JAKMIP1: variants seen among roughly 807,000 people sequenced by gnomAD.
JAKMIP1 encodes the protein janus kinase and microtubule interacting protein 1.
Under a neutral mutation model 113.0 loss-of-function variants are expected in JAKMIP1, and 33 were observed. That is an observed-to-expected ratio of 0.29 (90% CI 0.22 to 0.39). The LOEUF (loss-of-function observed/expected upper bound fraction) is 0.39. Among genes scored for constraint, JAKMIP1 ranks in the 10% least tolerant of loss-of-function variants. JAKMIP1 has a pLI of 1.00. For missense variants in JAKMIP1, 813 were observed against 1,080.5 expected, an observed-to-expected ratio of 0.75 and a Z score of 3.47; for synonymous variants, 480 against 459.9, an observed-to-expected ratio of 1.04 and a Z score of -0.56.
Position 6,156,242 on chromosome 4 carries a change from A to T in JAKMIP1, c.-147-43245T>A, listed in dbSNP as rs892458673. ...GCCCTCGGAAGTGGCCCGCCAACACAGGAACAAGCGAATGCCACTGTATCA... is the reference window on the plus strand; with the variant it reads ...GCCCTCGGAAGTGGCCCGCCAACACTGGAACAAGCGAATGCCACTGTATCA... On this transcript the variant is annotated intron_variant, in intron 1 of 20. Coordinates refer to ENST00000409021, the MANE Select transcript of JAKMIP1 (RefSeq NM_001099433.2). This position sits in a 1 kb window ranked among gnomAD's most constrained non-coding sequence, Gnocchi z 5.0. Among the ~76,000 whole-genome samples, 1 of 152,248 alleles carries T rather than the reference A, an allele frequency of 6.6e-6. No individual in the cohort carries two copies. The highest frequency in any genetic ancestry group is 6.5e-5 in the Admixed American group (1 of 15,286).
chr4:6,063,177 A>T (rs1422838984), intron 9 of JAKMIP1, among the ~76,000 whole-genome samples: 1 of 152,028 alleles, frequency 6.6e-6, no homozygotes, highest in Non-Finnish European at 1.5e-5. Context: ...GTGTGTAAAG[A>T]CACAAATACG....
chr4:6,026,332 A>C, intron 20 of JAKMIP1, 54 bp from the exon 21 acceptor site: 2 of 915,800 alleles, frequency 2.2e-6, no homozygotes, highest in Non-Finnish European at 3.4e-6. Flanking sequence ...AGAAAAGAAA[A>C]CAGATGTAAG....
chr4:6,071,017 A>C lies in JAKMIP1; in HGVS notation c.1303-6009T>G, dbSNP rs77258318. ...AAAAGTAAAACGTCTGAACTTTGAC[A>C]GATACCAAAGCAATATTAAAGGGCA... is the stretch of plus-strand genomic sequence containing the variant. On this transcript the variant is annotated intron_variant, in intron 8 of 20. Coordinates refer to ENST00000409021, the MANE Select transcript of JAKMIP1 (RefSeq NM_001099433.2). Among the ~76,000 whole-genome samples, 586 of 152,370 alleles carry C rather than the reference A, an allele frequency of 3.8e-3. 4 individuals carry two copies. Among genetic ancestry groups the C allele is most frequent in the African/African-American group, 0.013 (556 of 41,594 alleles).
Position 6,154,224 on chromosome 4 carries a change from AATCACTGG to A in JAKMIP1, c.-147-41235_-147-41228del, listed in dbSNP as rs931155693. ...CAGGCGGAGGCTGAAGAAACAAGCA[AATCACTGG>A]ACGTGCAGAGAGGCTGCACTGGGGA... On this transcript the variant is annotated intron_variant, in intron 1 of 20. Coordinates refer to ENST00000409021, the MANE Select transcript of JAKMIP1 (RefSeq NM_001099433.2). This position sits in a 1 kb window ranked among gnomAD's most constrained non-coding sequence, Gnocchi z 4.2. Among the ~76,000 whole-genome samples the A allele has an allele frequency of 7.9e-5, 12 of 152,218 alleles. No individual in the cohort carries two copies. The highest frequency in any genetic ancestry group is 2.6e-4 in the Admixed American group (4 of 15,290).
intron 1 of JAKMIP1, among the ~76,000 whole-genome samples, chr4:6,121,054 G>T (rs1418541835): frequency 6.6e-6 from 1 of 152,064 alleles, no homozygotes; most frequent in African/African-American, 2.4e-5. Context: ...ACAAAAATTA[G>T]CCAGGCAAGG....
chr4:6,069,335 T>C lies in JAKMIP1; in HGVS notation c.1303-4327A>G, dbSNP rs1718619307. On this transcript the variant is annotated intron_variant, in intron 8 of 20. Transcript: ENST00000409021. The surrounding 1 kb of genome is among the most constrained non-coding windows in gnomAD (Gnocchi z 4.5). ...ACATTAGGAGCAAAAATGTCCACCA[T>C]TTGCTCATTCTGAGCCCATCTACTG... Among the ~76,000 whole-genome samples, 1 of 152,234 alleles carries C rather than the reference T, an allele frequency of 6.6e-6. No individual in the cohort carries two copies. Among genetic ancestry groups the C allele is most frequent in the African/African-American group, 2.4e-5 (1 of 41,462 alleles).
Position 6,141,926 on chromosome 4 carries a change from A to G in JAKMIP1, c.-147-28929T>C, listed in dbSNP as rs1720217768. On this transcript the variant is annotated intron_variant, in intron 1 of 20. Coordinates refer to ENST00000409021, the MANE Select transcript of JAKMIP1 (RefSeq NM_001099433.2). The surrounding 1 kb of genome is among the most constrained non-coding windows in gnomAD (Gnocchi z 9.4). ...CGTCTCTCTCTCATTTTAAAAATCA[A>G]GTTTACTCCAATAAAGAAACTTGGG... is the stretch of plus-strand genomic sequence containing the variant. 6.6e-6 allele frequency among the ~76,000 whole-genome samples: 1 copy of G among 152,178 alleles called. No homozygotes were observed. The highest frequency in any genetic ancestry group is 2.1e-4 in the South Asian group (1 of 4,830).
rs1719949969 is a variant in JAKMIP1, at chr4:6,140,359, C to T, written c.-147-27362G>A. Among the ~76,000 whole-genome samples, 1 of 151,928 alleles carries T rather than the reference C, an allele frequency of 6.6e-6. No homozygotes were observed. Reference sequence around the variant, plus strand: ...CTGATGATGGGCCGACCATAAATCCCCCCACGTGGCGAGGCTGGCTCAGCA... The same window carrying T: ...CTGATGATGGGCCGACCATAAATCCTCCCACGTGGCGAGGCTGGCTCAGCA... On this transcript the variant is annotated intron_variant, in intron 1 of 20. Transcript: ENST00000409021. The surrounding 1 kb of genome is among the most constrained non-coding windows in gnomAD (Gnocchi z 9.4).
chr4:6,055,400 T>A (rs762008673), intron 12 of JAKMIP1, among the ~76,000 whole-genome samples: 7 of 152,232 alleles, frequency 4.6e-5, no homozygotes, highest in Non-Finnish European at 1.0e-4. Flanking sequence ...GCTACGATTT[T>A]AATTCCAAAG....
intron 8 of JAKMIP1, among the ~76,000 whole-genome samples, chr4:6,074,435 C>G (rs1719417731): frequency 6.6e-6 from 1 of 152,196 alleles, no homozygotes; most frequent in African/African-American, 2.4e-5. Context: ...CACCACAGTA[C>G]TCTGTCAAGC....
chr4:6,134,039 G>A (rs981025236), intron 1 of JAKMIP1, among the ~76,000 whole-genome samples: 1 of 152,212 alleles, frequency 6.6e-6, no homozygotes, highest in Non-Finnish European at 1.5e-5. Context: ...ATCTTAAATT[G>A]TAATCCCCCT....
chr4:6,180,023 G>C lies in JAKMIP1; in HGVS notation c.-148+20230C>G, dbSNP rs373055610. The stretch of plus-strand genomic sequence containing the variant: ...TGACATCCTCTTAGAAGCCATGCAA[G>C]AACATTTGCAGGGATAAACAGCAGG... On this transcript the variant is annotated intron_variant, in intron 1 of 20. Coordinates refer to ENST00000409021, the MANE Select transcript of JAKMIP1 (RefSeq NM_001099433.2). The surrounding 1 kb of genome is among the most constrained non-coding windows in gnomAD (Gnocchi z 4.5). Among the ~76,000 whole-genome samples, 3 of 152,272 alleles carry C rather than the reference G, an allele frequency of 2.0e-5. No individual in the cohort carries two copies. The East Asian group carries it at 5.8e-4, about 29-fold the overall frequency.
rs779614943 is a variant in JAKMIP1 at position 6,054,161 on chromosome 4, T to C, written c.1708-13A>G. On this transcript the variant is annotated splice_polypyrimidine_tract_variant and intron_variant, in intron 12 of 20. Coordinates refer to ENST00000409021, the MANE Select transcript of JAKMIP1 (RefSeq NM_001099433.2). ...CCAGTCTGTAAATCTAGAGCAAAGA[T>C]ACCTGCGGATTAACAGGATGGGTGG... 2.5e-6 allele frequency: 4 copies of C among 1,613,828 alleles called. No individual in the cohort carries two copies. In the East Asian group the frequency reaches 8.9e-5, roughly 36 times the overall value.
chr4:6,112,188 A>G (rs1715046745), intron 2 of JAKMIP1, among the ~76,000 whole-genome samples: 1 of 152,254 alleles, frequency 6.6e-6, no homozygotes, highest in African/African-American at 2.4e-5. Flanking sequence ...CAAAAGCCTG[A>G]CTTAGGAGCA....
Position 6,157,821 on chromosome 4 carries a change from T to C in JAKMIP1, c.-148+42432A>G, listed in dbSNP as rs974376944. On this transcript the variant is annotated intron_variant, in intron 1 of 20. Transcript: ENST00000409021. This position sits in a 1 kb window ranked among gnomAD's most constrained non-coding sequence, Gnocchi z 4.7. ...GGGACCGTAGAGTCGAGAATTCTGA[T>C]GAAAAAACTTAAATTAGATGCCAAC... Among the ~76,000 whole-genome samples the C allele has an allele frequency of 6.6e-6, 1 of 152,116 alleles. No individual in the cohort carries two copies. Among genetic ancestry groups the C allele is most frequent in the African/African-American group, 2.4e-5 (1 of 41,366 alleles).
chr4:6,081,702 G>A lies in JAKMIP1; in HGVS notation c.1008C>T (p.Asn336=), dbSNP rs2108823236. Reference sequence around the variant, plus strand: ...CCTCATTCTTCTTGTTCATCCGCTTGTTCTTCTCCACCAGGGGCTTCAGCT... The same window carrying A: ...CCTCATTCTTCTTGTTCATCCGCTTATTCTTCTCCACCAGGGGCTTCAGCT... ...EVQLKPLVEK[N]KRMNKKNEDL... The change falls in exon 6 of 21, where the codon AAC becomes AAT. Residue 336 remains asparagine (N), a synonymous_variant. Coordinates refer to ENST00000409021, the MANE Select transcript of JAKMIP1 (RefSeq NM_001099433.2). This position sits in a 1 kb window ranked among gnomAD's most constrained non-coding sequence, Gnocchi z 4.6. 6.2e-7 allele frequency: 1 copy of A among 1,614,176 alleles called. No homozygotes were observed. The highest frequency in any genetic ancestry group is 8.5e-7 in the Non-Finnish European group (1 of 1,180,022).
Position 6,106,144 on chromosome 4 carries a change from C to T in JAKMIP1, c.130-177G>A, listed in dbSNP as rs927757232. Among the ~76,000 whole-genome samples, 1 of 152,172 alleles carries T rather than the reference C, an allele frequency of 6.6e-6. No individual in the cohort carries two copies. The highest frequency in any genetic ancestry group is 2.4e-5 in the African/African-American group (1 of 41,430). ...CCTGCAGGCCTGACCCTCCTGCCAG[C>T]CCCACTTAGAATCTCTCCTGCTAGT... On this transcript the variant is annotated intron_variant, in intron 2 of 20. Transcript: ENST00000409021. This position sits in a 1 kb window ranked among gnomAD's most constrained non-coding sequence, Gnocchi z 5.9.
Position 6,139,228 on chromosome 4 carries a change from T to C in JAKMIP1, c.-147-26231A>G, listed in dbSNP as rs1435056616. Among the ~76,000 whole-genome samples the C allele has an allele frequency of 1.3e-5, 2 of 152,072 alleles. No individual in the cohort carries two copies. The highest frequency in any genetic ancestry group is 4.8e-5 in the African/African-American group (2 of 41,354). ...CAGAAACTTTCACTATTTAAAAGGG[T>C]TCTGCCCCAGTTAAAAAGCATTTGA... On this transcript the variant is annotated intron_variant, in intron 1 of 20. Transcript: ENST00000409021. The surrounding 1 kb of genome is among the most constrained non-coding windows in gnomAD (Gnocchi z 5.2).
intron 1 of JAKMIP1, among the ~76,000 whole-genome samples, chr4:6,198,506 A>C (rs1198096002): frequency 6.6e-6 from 1 of 152,076 alleles, no homozygotes; most frequent in Non-Finnish European, 1.5e-5. Context: ...AAGGAGGAAA[A>C]TGCCAGTCAT....
Sources: gnomAD v4.1 joint callset for allele counts (sites outside exome capture counted in the v4.1 genomes callset) on GRCh38, gnomAD v4.1.1 for gene constraint, Gnocchi (gnomAD v3.1) non-coding constraint, MANE v1.5 for transcripts, NCBI Gene and HGNC (gene_info 2026-07-23, HGNC 2026-07-21) for gene names.